GTPBP2: variants seen among roughly 807,000 people sequenced by gnomAD.
GTPBP2 encodes GTP-binding protein 2.
A neutral mutation model predicts 63.0 loss-of-function variants in GTPBP2; 32 were observed. The ratio of observed to expected loss-of-function variants is 0.51; its 90% CI spans 0.38 to 0.68. The LOEUF is 0.68. Among genes scored for constraint, GTPBP2 ranks in the 30% least tolerant of loss-of-function variants. GTPBP2 has a pLI of 0.00. For missense variants in GTPBP2, 492 were observed against 796.9 expected, an observed-to-expected ratio of 0.62 and a Z score of 4.61; for synonymous variants, 310 against 322.6, an observed-to-expected ratio of 0.96 and a Z score of 0.42.
intron 1 of GTPBP2, 40 bp downstream of exon 1, chr6:43,628,937 G>T: frequency 6.3e-7 from 1 of 1,594,598 alleles, no homozygotes; most frequent in Non-Finnish European, 8.6e-7. Flanking sequence ...GGGCCGGAAA[G>T]AGTGGCTTCT....
Position 43,624,807 on chromosome 6 carries a change from G to C in GTPBP2, c.881-78C>G. ...GAGGAGAGGGAAGAAGAGGAGCATTGGTCTGTCTCCAAGATTTGAGGCCCA... is the reference window on the plus strand; with the variant it reads ...GAGGAGAGGGAAGAAGAGGAGCATTCGTCTGTCTCCAAGATTTGAGGCCCA... On this transcript the variant is annotated intron_variant, in intron 6 of 11. Coordinates refer to ENST00000307126, the MANE Select transcript of GTPBP2 (RefSeq NM_019096.5). This position sits in a 1 kb window ranked among gnomAD's most constrained non-coding sequence, Gnocchi z 5.1. The C allele has an allele frequency of 1.3e-6, 2 of 1,580,070 alleles. No individual in the cohort carries two copies. Among genetic ancestry groups the C allele is most frequent in the Non-Finnish European group, 1.7e-6 (2 of 1,150,100 alleles).
Position 43,621,509 on chromosome 6 carries a change from T to C in GTPBP2, c.*105A>G. The C allele has an allele frequency of 1.3e-6, 2 of 1,579,742 alleles. No individual in the cohort carries two copies. Among genetic ancestry groups the C allele is most frequent in the Non-Finnish European group, 1.7e-6 (2 of 1,162,534 alleles). On this transcript the variant is annotated 3_prime_UTR_variant, in exon 12 of 12. Coordinates refer to ENST00000307126, the MANE Select transcript of GTPBP2 (RefSeq NM_019096.5). ...GCAAGTGGCAGACAGCACCCCTCTC[T>C]CCCTAGCCTATTAACACACAGAGCC...
chr6:43,627,101 C>A (rs539491740), intron 1 of GTPBP2, 153 bp from the exon 2 acceptor site: 4 of 717,944 alleles, frequency 5.6e-6, no homozygotes, highest in South Asian at 4.5e-5. Context: ...CAGTGGCAGA[C>A]AAGATCCTCT....
rs16896609 is a variant in GTPBP2 at position 43,622,671 on chromosome 6, G to A, written c.1429C>T (p.Leu477=). ...GCACGGTCAAAGTCCCCAAGCGCCAGTGTAGCAGCCTGACCAGCTCGCAGC... is the reference window on the plus strand; with the variant it reads ...GCACGGTCAAAGTCCCCAAGCGCCAATGTAGCAGCCTGACCAGCTCGCAGC... ...RVLRAGQAAT[L]ALGDFDRALL... is the part of the protein sequence containing the mutation. Residue 477 remains leucine (L), a synonymous_variant, in exon 10 of 12, where the codon CTG becomes TTG. Coordinates refer to ENST00000307126, the MANE Select transcript of GTPBP2 (RefSeq NM_019096.5). The surrounding 1 kb of genome is among the most constrained non-coding windows in gnomAD (Gnocchi z 5.4). 0.086 allele frequency: 138,829 copies of A among 1,613,686 alleles called. 14,077 individuals carry two copies. Among genetic ancestry groups the A allele is most frequent in the African/African-American group, 0.52 (38,865 of 74,928 alleles).
Position 43,621,314 on chromosome 6 carries a change from T to C in GTPBP2, c.*300A>G, listed in dbSNP as rs570363333. 152 of 880,926 alleles carry C rather than the reference T, an allele frequency of 1.7e-4. 3 individuals carry two copies. Among genetic ancestry groups the C allele is most frequent in the Non-Finnish European group, 1.5e-4 (89 of 578,494 alleles). The allele number at this position is 880,926 out of a possible 1,614,324, so 54.6% of individuals were successfully genotyped here. On this transcript the variant is annotated 3_prime_UTR_variant, in exon 12 of 12. Transcript: ENST00000307126. Reference sequence around the variant, plus strand: ...CTTAGTAGTGGGGACGAAGAATTGATGAGTGGATCCAGTCAGCTCCGGCAG... The same window carrying C: ...CTTAGTAGTGGGGACGAAGAATTGACGAGTGGATCCAGTCAGCTCCGGCAG...
At position 43,629,038 on chromosome 6, in the gene GTPBP2, T is replaced by C. The variant is rs758389307; in HGVS notation, c.125A>G (p.Lys42Arg). 6.2e-7 allele frequency: 1 copy of C among 1,612,988 alleles called. No individual in the cohort carries two copies. The highest frequency in any genetic ancestry group is 1.1e-5 in the South Asian group (1 of 90,886). Reference sequence around the variant, plus strand: ...CCCTCTGTTCCTTCCGTTCTTCTTCTTTCCCTTTGGCCCCCCGCAGCCGCT... The same window carrying C: ...CCCTCTGTTCCTTCCGTTCTTCTTCCTTCCCTTTGGCCCCCCGCAGCCGCT... The part of the protein sequence containing the change: ...SSSGCGGPKG[K>R]KKNGRNRGGK... Residue 42 changes from lysine to arginine, a missense_variant, in exon 1 of 12, where the codon AAG (lysine) becomes AGG (arginine). Transcript: ENST00000307126.
chr6:43,621,268 C>T lies in GTPBP2; in HGVS notation c.*346G>A. 1 of 510,922 alleles carries T rather than the reference C, an allele frequency of 2.0e-6. No homozygotes were observed. Among genetic ancestry groups the T allele is most frequent in the Non-Finnish European group, 3.6e-6 (1 of 281,506 alleles). 31.6% of individuals were successfully genotyped at this position (510,922 alleles called of 1,614,324 possible). ...GACCATTCCTGAAGTGCAGAGACCA[C>T]ACCAGCAAAACATGCCCAGTCTTAG... On this transcript the variant is annotated 3_prime_UTR_variant, in exon 12 of 12. Coordinates refer to ENST00000307126, the MANE Select transcript of GTPBP2 (RefSeq NM_019096.5).
chr6:43,630,456 T>C (rs1769837232), upstream of GTPBP2, among the ~76,000 whole-genome samples: 1 of 151,968 alleles, frequency 6.6e-6, no homozygotes, highest in Admixed American at 6.6e-5. Flanking sequence ...ATTAAACAAC[T>C]CAGCCGGGTG....
In GTPBP2 at chr6:43,628,200, C is replaced by A. The variant is rs182182911; in HGVS notation, c.186+777G>T. Among the ~76,000 whole-genome samples the A allele has an allele frequency of 8.7e-4, 133 of 152,140 alleles. No homozygotes were observed. The East Asian group carries it at 0.024, about 27-fold the overall frequency. ...CCAACATGGTGAAACCCCATCTCTACTAAAAATACAAAAATTATCTGGGCG... is the reference window on the plus strand; with the variant it reads ...CCAACATGGTGAAACCCCATCTCTAATAAAAATACAAAAATTATCTGGGCG... On this transcript the variant is annotated intron_variant, in intron 1 of 11. Coordinates refer to ENST00000307126, the MANE Select transcript of GTPBP2 (RefSeq NM_019096.5).
At chr6:43,628,240 T>C (rs1440687419) in intron 1 of GTPBP2, among the ~76,000 whole-genome samples, 7 of 152,076 alleles carry the variant, frequency 4.6e-5, no homozygotes, top group Admixed American at 3.3e-4. Flanking sequence ...GGCGGGCACC[T>C]GTAATGCCAG....
At chr6:43,628,492 G>T in intron 1 of GTPBP2, 1 of 834,616 alleles carries the variant, frequency 1.2e-6, no homozygotes, top group Non-Finnish European at 1.4e-6. Context: ...GTGTGTGTGT[G>T]TGTGTGTGTG....
intron 8 of GTPBP2, 47 bp from the exon 9 acceptor site, chr6:43,623,842 T>C: frequency 1.2e-6 from 2 of 1,609,918 alleles, no homozygotes; most frequent in African/African-American, 1.3e-5. Context: ...GTAGGGCTGG[T>C]GGGTCCAAAA....
At position 43,624,168 on chromosome 6, in the gene GTPBP2, G is replaced by A; in HGVS notation, c.1101-100C>T. 1 of 1,103,600 alleles carries A rather than the reference G, an allele frequency of 9.1e-7. No individual in the cohort carries two copies. The highest frequency in any genetic ancestry group is 1.6e-5 in the South Asian group (1 of 64,230). The allele number at this position is 1,103,600 out of a possible 1,614,324, so 68.4% of individuals were successfully genotyped here. On this transcript the variant is annotated intron_variant, in intron 7 of 11. Coordinates refer to ENST00000307126, the MANE Select transcript of GTPBP2 (RefSeq NM_019096.5). The surrounding 1 kb of genome is among the most constrained non-coding windows in gnomAD (Gnocchi z 5.1). ...AAAGGTGAGCTTTGTTCTGGCTGGG[G>A]GCCCCTCTCTCCTGTCTGCAAATGG...
Position 43,624,457 on chromosome 6 carries a change from G to A in GTPBP2, c.1100+53C>T. 1 of 1,317,656 alleles carries A rather than the reference G, an allele frequency of 7.6e-7. No homozygotes were observed. The highest frequency in any genetic ancestry group is 1.1e-6 in the Non-Finnish European group (1 of 920,062). 81.6% of individuals were successfully genotyped at this position (1,317,656 alleles called of 1,614,324 possible). A position where few individuals can be genotyped will look rare whatever the true frequency, so the allele number is the denominator to read the frequency against. ...AGGATATCATGCTTCTGGGCCCTGG[G>A]CTCTGTGGCAGCCTTCCTAGTGGAT... On this transcript the variant is annotated intron_variant, in intron 7 of 11. Transcript: ENST00000307126. This position sits in a 1 kb window ranked among gnomAD's most constrained non-coding sequence, Gnocchi z 5.1.
Position 43,620,995 on chromosome 6 carries a change from T to G in GTPBP2, c.*619A>C, listed in dbSNP as rs1768679689. On this transcript the variant is annotated 3_prime_UTR_variant, in exon 12 of 12. Coordinates refer to ENST00000307126, the MANE Select transcript of GTPBP2 (RefSeq NM_019096.5). ...GGGAGGGGATGGGGGAGATAGGGAC[T>G]GGGGAAATGGCCCTTGAGTGAAGGA... is the stretch of plus-strand genomic sequence containing the variant. 1 of 193,712 alleles carries G rather than the reference T, an allele frequency of 5.2e-6. No homozygotes were observed. The highest frequency in any genetic ancestry group is 1.1e-5 in the Non-Finnish European group (1 of 91,978). The allele number at this position is 193,712 out of a possible 1,614,324, so 12.0% of individuals were successfully genotyped here. A position where few individuals can be genotyped will look rare whatever the true frequency, so the allele number is the denominator to read the frequency against.
At chr6:43,627,129 C>T in intron 1 of GTPBP2, 181 bp from the exon 2 acceptor site, 1 of 643,614 alleles carries the variant, frequency 1.6e-6, no homozygotes, top group Non-Finnish European at 2.4e-6. Flanking sequence ...CCCAGCATAG[C>T]CTCTATGAAG....
chr6:43,624,639 G>T lies in GTPBP2; in HGVS notation c.971C>A (p.Thr324Asn). The change falls in exon 7 of 12, where the codon ACC (threonine) becomes AAC (asparagine). Residue 324 changes from threonine to asparagine, a missense_variant. By Grantham distance (65) the Thr-to-Asn change is moderately conservative. Around this residue, in one of 2 missense-constraint regions of GTPBP2, gnomAD observed 400 missense variants for 710.8 expected, o/e 0.56. Transcript: ENST00000307126. This position sits in a 1 kb window ranked among gnomAD's most constrained non-coding sequence, Gnocchi z 5.1. ...CTGGCGTACTGTCCTCTCCACTGTG[G>T]TCTTGGCACATAGGTCGATCTTGCT... ...VVSKIDLCAK[T>N]TVERTVRQLE... 1 of 1,614,182 alleles carries T rather than the reference G, an allele frequency of 6.2e-7. No individual in the cohort carries two copies. The highest frequency in any genetic ancestry group is 8.5e-7 in the Non-Finnish European group (1 of 1,180,002).
chr6:43,628,960 A>C lies in GTPBP2; in HGVS notation c.186+17T>G. ...AAGAGTGGCTTCTTCCCGCCCTACCACTTCTCAGGTGCTCACCTCGGGGGG... is the reference window on the plus strand; with the variant it reads ...AAGAGTGGCTTCTTCCCGCCCTACCCCTTCTCAGGTGCTCACCTCGGGGGG... On this transcript the variant is annotated intron_variant, in intron 1 of 11. Coordinates refer to ENST00000307126, the MANE Select transcript of GTPBP2 (RefSeq NM_019096.5). 6.2e-7 allele frequency: 1 copy of C among 1,611,294 alleles called. No homozygotes were observed. The highest frequency in any genetic ancestry group is 8.5e-7 in the Non-Finnish European group (1 of 1,178,022).
In GTPBP2 at chr6:43,621,121, C is replaced by T; in HGVS notation, c.*493G>A. The T allele has an allele frequency of 3.2e-6, 1 of 311,900 alleles. No homozygotes were observed. The highest frequency in any genetic ancestry group is 2.2e-5 in the African/African-American group (1 of 46,340). 19.3% of individuals were successfully genotyped at this position (311,900 alleles called of 1,614,324 possible). On this transcript the variant is annotated 3_prime_UTR_variant, in exon 12 of 12. Transcript: ENST00000307126. ...CATTTCTTCAGACTCTGGGCCGCCA[C>T]CACCACCAGATGGCCAAGAGCAGAT...
Sources: gnomAD v4.1 joint callset for allele counts (sites outside exome capture counted in the v4.1 genomes callset) on GRCh38, gnomAD v4.1.1 for gene constraint, gnomAD v4.1.1 regional missense constraint, Gnocchi (gnomAD v3.1) non-coding constraint, MANE v1.5 for transcripts, NCBI Gene and HGNC (gene_info 2026-07-23, HGNC 2026-07-21) for gene names.